The following ATP2B4 variants were observed in gnomAD, a reference collection of about 807,000 sequenced individuals.
ATP2B4 encodes the protein ATPase plasma membrane Ca2+ transporting 4, also known as plasma membrane calcium-transporting ATPase 4.
In ATP2B4, 39 loss-of-function variants were observed where a neutral mutation model predicts 110.3. The observed-to-expected ratio is 0.35, with a 90% CI of 0.27 to 0.46. The LOEUF is 0.46. Ranked by LOEUF, ATP2B4 falls within the 20% of genes least tolerant of loss-of-function variation. The probability of loss-of-function intolerance (pLI) is 1.00; values close to 1 mark genes in which losing one functional copy is unlikely to be tolerated. For missense variants in ATP2B4, 1,135 were observed against 1,530.9 expected, an observed-to-expected ratio of 0.74 and a Z score of 4.32; for synonymous variants, 538 against 571.7, an observed-to-expected ratio of 0.94 and a Z score of 0.84.
chr1:203,645,216 C>G (rs1272518533), intron 1 of ATP2B4, among the ~76,000 whole-genome samples: 1 of 152,198 alleles, frequency 6.6e-6, no homozygotes, highest in African/African-American at 2.4e-5. Flanking sequence ...GTTCCAATCC[C>G]CAAAGTCCCT....
intron 19 of ATP2B4, among the ~76,000 whole-genome samples, chr1:203,724,894 T>G (rs1248344686): frequency 1.6e-5 from 2 of 128,108 alleles, no homozygotes; most frequent in Admixed American, 9.1e-5. Flanking sequence ...TTTTTTTTTC[T>G]GAGACAGAGT....
intron 20 of ATP2B4, among the ~76,000 whole-genome samples, chr1:203,736,315 A>G (rs931999845): frequency 6.6e-6 from 1 of 152,244 alleles, no homozygotes; most frequent in Middle Eastern, 3.4e-3. Context: ...AAATACAAAA[A>G]AAAATAGCTG....
At chr1:203,681,438 C>T (rs1474358168) in intron 1 of ATP2B4, among the ~76,000 whole-genome samples, 1 of 152,176 alleles carries the variant, frequency 6.6e-6, no homozygotes, top group African/African-American at 2.4e-5. Flanking sequence ...AGAGGTTGGC[C>T]AGAGCTCCTT....
At chr1:203,655,921 C>T (rs12759661) in intron 1 of ATP2B4, among the ~76,000 whole-genome samples, 144,318 of 152,050 alleles carry the variant, frequency 0.95, 68,949 homozygotes, top group East Asian at 1. Context: ...TGTTTTGTTT[C>T]TGAGACGGAG....
chr1:203,628,807 T>G (rs1421729124), intron 1 of ATP2B4, among the ~76,000 whole-genome samples: 1 of 151,552 alleles, frequency 6.6e-6, no homozygotes, highest in East Asian at 2.0e-4. Context: ...CAGGAGTGTT[T>G]AGGAAGAAGG....
intron 1 of ATP2B4, among the ~76,000 whole-genome samples, chr1:203,679,260 A>T (rs900319092): frequency 5.3e-5 from 8 of 152,170 alleles, no homozygotes; most frequent in Admixed American, 3.9e-4. Context: ...GGGCCAGGCA[A>T]GCTCAGCAGT....
intron 1 of ATP2B4, among the ~76,000 whole-genome samples, chr1:203,646,246 C>CA (rs77154820): frequency 0.96 from 146,077 of 152,012 alleles, 70,480 homozygotes; most frequent in East Asian, 1. Context: ...AAGTAAGGCT[C>CA]AAGAGATAAA....
chr1:203,705,977 C>T (rs16852191), intron 8 of ATP2B4, among the ~76,000 whole-genome samples: 20,578 of 152,078 alleles, frequency 0.14, 1,730 homozygotes, highest in South Asian at 0.25. Flanking sequence ...TGGAGGCCCC[C>T]GAATCATCAG....
intron 1 of ATP2B4, among the ~76,000 whole-genome samples, chr1:203,640,429 C>T (rs774444211): frequency 6.6e-6 from 1 of 152,140 alleles, no homozygotes; most frequent in Non-Finnish European, 1.5e-5. Flanking sequence ...GTGATTCTCC[C>T]ACCTCAGCCT....
At chr1:203,680,437 G>A (rs546908731) in intron 1 of ATP2B4, among the ~76,000 whole-genome samples, 30 of 152,030 alleles carry the variant, frequency 2.0e-4, no homozygotes, top group African/African-American at 6.7e-4. Context: ...GTGAAACCCC[G>A]TCTCCACTAA....
chr1:203,632,730 C>G (rs1416860658), intron 1 of ATP2B4, among the ~76,000 whole-genome samples: 1 of 147,276 alleles, frequency 6.8e-6, no homozygotes, highest in Non-Finnish European at 1.5e-5. Context: ...ACAAAGAAAT[C>G]TTGACCTTTA....
intron 2 of ATP2B4, among the ~76,000 whole-genome samples, chr1:203,686,038 T>C (rs2102365548): frequency 6.6e-6 from 1 of 151,740 alleles, no homozygotes; most frequent in South Asian, 2.1e-4. Context: ...AAGGTGGCAA[T>C]ATCTAATTGC....
At chr1:203,670,902 CT>C (rs1450497770) in intron 1 of ATP2B4, among the ~76,000 whole-genome samples, 2 of 152,214 alleles carry the variant, frequency 1.3e-5, no homozygotes, top group East Asian at 3.8e-4. Context: ...CATCTATATC[CT>C]TTCTGAGCCA....
At chr1:203,710,600 A>G (rs79691301) in intron 11 of ATP2B4, among the ~76,000 whole-genome samples, 4 of 152,360 alleles carry the variant, frequency 2.6e-5, no homozygotes, top group African/African-American at 7.2e-5. Flanking sequence ...TCAAAAGAGC[A>G]GGTGATTCAC....
intron 11 of ATP2B4, 151 bp downstream of exon 11, chr1:203,709,693 C>T (rs1485191737): frequency 1.8e-5 from 23 of 1,304,156 alleles, no homozygotes; most frequent in Non-Finnish European, 3.1e-6. Flanking sequence ...TCAGGCCACG[C>T]ATGTTTTTTA....
chr1:203,703,715 A>G lies in ATP2B4; in HGVS notation c.1001A>G (p.Asn334Ser), dbSNP rs1430164646. ...QPLNSQEGIDNEEKDKKAVKV... is the reference protein window; with the variant it reads ...QPLNSQEGIDSEEKDKKAVKV... ...CTCAACAGCCAGGAGGGAATCGACA[A>G]TGAGGAAAAGGACAAGAAGGCAGTC... The change falls in exon 8 of 21, where the codon AAT (asparagine) becomes AGT (serine). Residue 334 changes from asparagine (N) to serine (S), a missense_variant. This residue lies in a region of ATP2B4 where 162 missense variants were observed against 210.5 expected (regional missense o/e 0.77). Transcript: ENST00000357681. 3 of 1,614,046 alleles carry G rather than the reference A, an allele frequency of 1.9e-6. No individual in the cohort carries two copies. The highest frequency in any genetic ancestry group is 2.5e-6 in the Non-Finnish European group (3 of 1,180,008).
chr1:203,659,593 G>A (rs1664271106), intron 1 of ATP2B4, among the ~76,000 whole-genome samples: 1 of 152,154 alleles, frequency 6.6e-6, no homozygotes, highest in Admixed American at 6.5e-5. Context: ...TGAGCCCAGA[G>A]GCTGAGGCTT....
In ATP2B4 at chr1:203,686,270, T is replaced by C. The variant is rs147917696; in HGVS notation, c.193+2872T>C. On this transcript the variant is annotated intron_variant, in intron 2 of 20. Transcript: ENST00000357681. ...TCTTTCTTTTTCCCTTCCTATGCTGTTCTTGATCCCTCTGGTCAGCTGTCT... is the reference window on the plus strand; with the variant it reads ...TCTTTCTTTTTCCCTTCCTATGCTGCTCTTGATCCCTCTGGTCAGCTGTCT... Among the ~76,000 whole-genome samples the C allele has an allele frequency of 9.4e-4, 143 of 152,298 alleles. 1 individual carries two copies. Among genetic ancestry groups the C allele is most frequent in the African/African-American group, 3.4e-3 (142 of 41,562 alleles).
At chr1:203,664,932 C>T (rs1023750955) in intron 1 of ATP2B4, among the ~76,000 whole-genome samples, 7 of 151,984 alleles carry the variant, frequency 4.6e-5, no homozygotes, top group African/African-American at 1.2e-4. Context: ...CCCGGGTTCA[C>T]GCCATTCTCC....
Sources: allele counts gnomAD v4.1 joint callset (sites outside exome capture counted in the v4.1 genomes callset), GRCh38; gene constraint gnomAD v4.1.1; regional missense constraint gnomAD v4.1.1; transcripts MANE v1.5; gene names NCBI Gene and HGNC (gene_info 2026-07-23, HGNC 2026-07-21).